Variants in KCNT2 observed in about 807,000 individuals in gnomAD.
KCNT2 encodes potassium sodium-activated channel subfamily T member 2, also known as potassium channel subfamily T member 2.
A neutral mutation model predicts 153.8 loss-of-function variants in KCNT2; 67 were observed. That is an observed-to-expected ratio of 0.44 (90% confidence interval 0.36 to 0.53). The LOEUF (loss-of-function observed/expected upper bound fraction) is 0.53. KCNT2 is among the 20% of genes least tolerant of loss of function. KCNT2 has a pLI of 0.00. For missense variants in KCNT2, 975 were observed against 1,354.8 expected, an observed-to-expected ratio of 0.72 and a Z score of 4.40; for synonymous variants, 500 against 458.8, an observed-to-expected ratio of 1.09 and a Z score of -1.15.
At chr1:196,507,567 T>G (rs948982125) in intron 1 of KCNT2, among the ~76,000 whole-genome samples, 1 of 152,132 alleles carries the variant, frequency 6.6e-6, no homozygotes, top group Non-Finnish European at 1.5e-5. Context: ...GCAATTTTAT[T>G]CTATCATTGC....
Position 196,278,915 on chromosome 1 carries a change from A to G in KCNT2, c.2910+1945T>C, listed in dbSNP as rs112058496. Reference sequence around the variant, plus strand: ...AAGGTGGGGCTTTGGGAAGGTGATTAGATCATGAAAGAGCCTTATAAAAGA... The same window carrying G: ...AAGGTGGGGCTTTGGGAAGGTGATTGGATCATGAAAGAGCCTTATAAAAGA... On this transcript the variant is annotated intron_variant, in intron 25 of 27. Coordinates refer to ENST00000294725, the MANE Select transcript of KCNT2 (RefSeq NM_198503.5). Among the ~76,000 whole-genome samples, 794 of 152,326 alleles carry G rather than the reference A, an allele frequency of 5.2e-3. 9 individuals carry two copies. Among genetic ancestry groups the G allele is most frequent in the African/African-American group, 0.018 (747 of 41,580 alleles).
intron 3 of KCNT2, among the ~76,000 whole-genome samples, chr1:196,485,325 G>C (rs932990945): frequency 1.3e-5 from 2 of 151,774 alleles, no homozygotes; most frequent in African/African-American, 4.8e-5. Flanking sequence ...AAGGAAAATG[G>C]ACAAAAATAA....
intron 21 of KCNT2, among the ~76,000 whole-genome samples, chr1:196,311,675 C>T (rs115696322): frequency 0.049 from 7,506 of 151,754 alleles, 281 homozygotes; most frequent in Non-Finnish European, 0.072. Flanking sequence ...GACTTTTTTT[C>T]CCCAGCTCCT....
chr1:196,414,155 C>T (rs534840437), intron 12 of KCNT2, among the ~76,000 whole-genome samples: 64 of 151,148 alleles, frequency 4.2e-4, no homozygotes, highest in Middle Eastern at 3.4e-3. Context: ...CAAAGTTATG[C>T]CTAATATTAA....
Position 196,228,163 on chromosome 1 carries a change from C to G in KCNT2, c.*61G>C. The G allele has an allele frequency of 4.3e-6, 4 of 922,758 alleles. No individual in the cohort carries two copies. The highest frequency in any genetic ancestry group is 2.1e-5 in the Admixed American group (1 of 47,580). 57.2% of individuals were successfully genotyped at this position (922,758 alleles called of 1,614,324 possible). A position where few individuals can be genotyped will look rare whatever the true frequency, so the allele number is the denominator to read the frequency against. ...TTCCATCTAGTTTCTTTCGTGCCAG[C>G]AAAACTTTTGTGGTTTCAAGCAAGG... On this transcript the variant is annotated 3_prime_UTR_variant, in exon 28 of 28. Transcript: ENST00000294725.
chr1:196,239,347 T>A (rs1345091367), intron 26 of KCNT2, among the ~76,000 whole-genome samples: 1 of 151,878 alleles, frequency 6.6e-6, no homozygotes, highest in Non-Finnish European at 1.5e-5. Context: ...AAATAATATT[T>A]TTGAATATTA....
intron 14 of KCNT2, among the ~76,000 whole-genome samples, chr1:196,364,397 C>T (rs1414932093): frequency 6.6e-6 from 1 of 152,044 alleles, no homozygotes; most frequent in African/African-American, 2.4e-5. Context: ...ATAATTTTGC[C>T]TTGTAACACA....
intron 25 of KCNT2, among the ~76,000 whole-genome samples, chr1:196,262,999 T>A (rs1168790881): frequency 1.3e-5 from 2 of 152,106 alleles, no homozygotes; most frequent in Non-Finnish European, 2.9e-5. Flanking sequence ...AAAGCAAATT[T>A]AAAGCCAAAT....
chr1:196,333,209 T>C (rs1219612781), intron 17 of KCNT2, among the ~76,000 whole-genome samples: 1 of 151,880 alleles, frequency 6.6e-6, no homozygotes, highest in East Asian at 1.9e-4. Context: ...GCCTGTGGAC[T>C]GCTGTGTTTT....
In KCNT2 at chr1:196,226,110, T is replaced by G. The variant is rs1401031433; in HGVS notation, c.*2114A>C. The G allele has an allele frequency of 3.3e-5, 5 of 152,010 alleles. No homozygotes were observed. Among genetic ancestry groups the G allele is most frequent in the Non-Finnish European group, 7.4e-5 (5 of 67,900 alleles). The allele number at this position is 152,010 out of a possible 1,614,324, so 9.4% of individuals were successfully genotyped here. A position where few individuals can be genotyped will look rare whatever the true frequency, so the allele number is the denominator to read the frequency against. On this transcript the variant is annotated 3_prime_UTR_variant, in exon 28 of 28. Transcript: ENST00000294725. ...TATTTTAAAATTTATGAAACAAAAT[T>G]TTTAGTTATATAGGAAATATAATCA... is the stretch of plus-strand genomic sequence containing the variant.
At position 196,564,012 on chromosome 1, in the gene KCNT2, A is replaced by T. The variant is rs116788256; in HGVS notation, c.95+44203T>A. ...TAGTACTGTAAGTTCTAGCCAAAGC[A>T]ATTAGGCAAGAAAAAGAATTAAAGT... On this transcript the variant is annotated intron_variant, in intron 1 of 27. Transcript: ENST00000294725. Among the ~76,000 whole-genome samples, 1,099 of 152,094 alleles carry T rather than the reference A, an allele frequency of 7.2e-3. 17 individuals carry two copies. Among genetic ancestry groups the T allele is most frequent in the African/African-American group, 0.025 (1,028 of 41,530 alleles).
At chr1:196,263,436 T>A (rs201497987) in intron 25 of KCNT2, among the ~76,000 whole-genome samples, 1 of 151,850 alleles carries the variant, frequency 6.6e-6, no homozygotes, top group Non-Finnish European at 1.5e-5. Context: ...AGTTAAACAA[T>A]GAGAACACAT....
At chr1:196,499,737 TTTTA>T (rs1413034758) in intron 1 of KCNT2, among the ~76,000 whole-genome samples, 5 of 152,222 alleles carry the variant, frequency 3.3e-5, no homozygotes, top group African/African-American at 7.2e-5. Context: ...TGAATTTAGA[TTTTA>T]TTTATTTGTA....
At position 196,342,175 on chromosome 1, in the gene KCNT2, C is replaced by T; in HGVS notation, c.1457G>A (p.Gly486Glu). The change falls in exon 15 of 28, where the codon GGG (glycine) becomes GAG (glutamate). Residue 486 changes from glycine (G) to glutamate (E), a missense_variant. Gly to Glu is a moderately conservative substitution (Grantham distance 98, BLOSUM62 -2). Around this residue, in one of 6 missense-constraint regions of KCNT2, gnomAD observed 325 missense variants for 388.1 expected, o/e 0.84. Transcript: ENST00000294725. ...CAAAACAATGTGGTAGACTTCATTC[C>T]CGGAGCATCTACCGTACATCTTCTG... Reference protein sequence around the residue: ...QWQKMYGRCSGNEVYHIVLEE... With the variant: ...QWQKMYGRCSENEVYHIVLEE... 1 of 1,611,538 alleles carries T rather than the reference C, an allele frequency of 6.2e-7. No homozygotes were observed. Among genetic ancestry groups the T allele is most frequent in the Non-Finnish European group, 8.5e-7 (1 of 1,178,976 alleles).
chr1:196,305,414 ATGAG>A (rs1661535279), intron 21 of KCNT2, 69 bp from the exon 22 acceptor site: 1 of 823,216 alleles, frequency 1.2e-6, no homozygotes, highest in African/African-American at 1.7e-5. Flanking sequence ...CAACATATTT[ATGAG>A]TGAGTGATTC....
intron 16 of KCNT2, among the ~76,000 whole-genome samples, chr1:196,335,666 T>C (rs1426171664): frequency 1.3e-5 from 2 of 152,174 alleles, no homozygotes; most frequent in Non-Finnish European, 2.9e-5. Context: ...CTCATTATAA[T>C]AACATGAACT....
chr1:196,397,368 C>T (rs1463661166), intron 13 of KCNT2, among the ~76,000 whole-genome samples: 2 of 151,388 alleles, frequency 1.3e-5, no homozygotes, highest in East Asian at 3.9e-4. Context: ...TAATGATATA[C>T]GTAACAGGTT....
intron 14 of KCNT2, among the ~76,000 whole-genome samples, chr1:196,362,592 T>A (rs2148280003): frequency 6.6e-6 from 1 of 152,240 alleles, no homozygotes; most frequent in East Asian, 1.9e-4. Flanking sequence ...CTTTCTTTTC[T>A]TCCAAATACA....
chr1:196,597,675 C>T (rs994892091), intron 1 of KCNT2, among the ~76,000 whole-genome samples: 5 of 152,130 alleles, frequency 3.3e-5, no homozygotes, highest in African/African-American at 1.2e-4. Context: ...TGGCTAACCT[C>T]GCAACCCATC....
Sources: gnomAD v4.1 joint callset for allele counts (sites outside exome capture counted in the v4.1 genomes callset) on GRCh38, gnomAD v4.1.1 for gene constraint, gnomAD v4.1.1 regional missense constraint, MANE v1.5 for transcripts, NCBI Gene and HGNC (gene_info 2026-07-23, HGNC 2026-07-21) for gene names.